Variants in SRCAP observed in about 807,000 individuals in gnomAD.
The protein encoded by SRCAP is chromatin remodeling protein SRCAP.
Under a neutral mutation model 263.1 loss-of-function variants are expected in SRCAP, and 46 were observed. That is an observed-to-expected ratio of 0.17 (90% CI 0.14 to 0.22). The LOEUF (loss-of-function observed/expected upper bound fraction) is 0.22, where lower values mean the gene tolerates loss of function less well. Among genes scored for constraint, SRCAP ranks in the 10% least tolerant of loss-of-function variants. The pLI is 1.00. For synonymous variants in SRCAP, 1,813 were observed against 1,662.1 expected (o/e 1.09, Z -2.21); for missense variants, 3,695 against 4,181.9 (o/e 0.88, Z 3.21).
chr16:30,713,498 A>G, intron 15 of SRCAP, 21 bp from the exon 16 acceptor site: 4 of 1,613,670 alleles, frequency 2.5e-6, no homozygotes, highest in Non-Finnish European at 3.4e-6. Flanking sequence ...ACTCTCTCTG[A>G]TTCTCTCTGT....
intron 8 of SRCAP, 104 bp from the exon 9 acceptor site, chr16:30,710,650 A>T: frequency 8.7e-7 from 1 of 1,153,652 alleles, no homozygotes; most frequent in Non-Finnish European, 1.3e-6. Flanking sequence ...GGCAACTGTC[A>T]CTCAATGGGA....
Position 30,729,175 on chromosome 16 carries a change from C to A in SRCAP, c.5868C>A (p.His1956Gln). ...TTTGGACTTATACCGAGGCTGCCCA[C>A]CGGGCTGTACTGTTTCCCCAGCAGC... ...PTFWTYTEAA[H>Q]RAVLFPQQRL... Residue 1956 changes from histidine to glutamine, a missense_variant, in exon 26 of 34, where the codon CAC (histidine) becomes CAA (glutamine). Transcript: ENST00000262518. 13 of 1,613,750 alleles carry A rather than the reference C, an allele frequency of 8.1e-6. No individual in the cohort carries two copies. Among genetic ancestry groups the A allele is most frequent in the Non-Finnish European group, 1.1e-5 (13 of 1,179,732 alleles).
Position 30,737,584 on chromosome 16 carries a change from C to T in SRCAP, c.7544C>T (p.Pro2515Leu), listed in dbSNP as rs746031226. Residue 2515 changes from proline (P) to leucine (L), a missense_variant, in exon 34 of 34, where the codon CCA (proline) becomes CTA (leucine). Around this residue, in one of 12 missense-constraint regions of SRCAP, gnomAD observed 1,207 missense variants for 1,142.9 expected, o/e 1.06. Coordinates refer to ENST00000262518, the MANE Select transcript of SRCAP (RefSeq NM_006662.3). The part of the protein sequence containing the change: ...CTPPPAHTPP[P>L]AQTCLVTPSS... ...CCTCCACCAGCTCATACACCGCCTC[C>T]AGCCCAAACCTGTCTTGTAACTCCT... The T allele has an allele frequency of 2.7e-5, 43 of 1,614,010 alleles. No individual in the cohort carries two copies. The Middle Eastern group carries it at 8.2e-4, about 31-fold the overall frequency.
At chr16:30,735,406 A>G (rs996561108) in intron 31 of SRCAP, among the ~76,000 whole-genome samples, 1 of 151,800 alleles carries the variant, frequency 6.6e-6, no homozygotes, top group South Asian at 2.1e-4. Context: ...TCGGCCTCCC[A>G]AAGTGCTGGG....
In SRCAP at chr16:30,737,525, T is replaced by C; in HGVS notation, c.7485T>C (p.Ser2495=). ...PPPPSQIPPC[S]SPACTPPPAC... ...CTCCTTCACAGATTCCTCCTTGTTC[T>C]TCTCCTGCCTGCACCCCTCCTCCTG... Residue 2495 remains serine (S), a synonymous_variant, in exon 34 of 34, where the codon TCT becomes TCC. Transcript: ENST00000262518. 6.2e-7 allele frequency: 1 copy of C among 1,606,902 alleles called. No individual in the cohort carries two copies. The highest frequency in any genetic ancestry group is 8.5e-7 in the Non-Finnish European group (1 of 1,173,574).
chr16:30,704,841 C>G (rs2052808969), intron 4 of SRCAP, among the ~76,000 whole-genome samples: 1 of 149,498 alleles, frequency 6.7e-6, no homozygotes, highest in Admixed American at 6.7e-5. Context: ...GATCCTGTCT[C>G]AAAAAAAAAG....
In SRCAP at chr16:30,709,731, T is replaced by C; in HGVS notation, c.852T>C (p.Asp284=). The change falls in exon 7 of 34, where the codon GAT becomes GAC. Residue 284 remains aspartate (D), a synonymous_variant. Transcript: ENST00000262518. ...CACCCCCTGCTTCTCGCCTGGATGA[T>C]GAAGGTGTGTGTTCTCTTTGGTCCT... is the stretch of plus-strand genomic sequence containing the variant. The part of the protein sequence containing the change: ...SPPPPASRLD[D]EDGDFQPQED... 1.2e-6 allele frequency: 2 copies of C among 1,614,142 alleles called. No homozygotes were observed. Among genetic ancestry groups the C allele is most frequent in the Non-Finnish European group, 1.7e-6 (2 of 1,180,020 alleles).
intron 5 of SRCAP, 45 bp downstream of exon 5, chr16:30,707,413 G>C (rs777215681): frequency 6.2e-7 from 1 of 1,607,010 alleles, no homozygotes; most frequent in Non-Finnish European, 8.5e-7. Context: ...TTTCAGGTCT[G>C]TTCCTTCCCG....
chr16:30,727,143 A>G (rs527491445), intron 25 of SRCAP, among the ~76,000 whole-genome samples: 3 of 151,876 alleles, frequency 2.0e-5, no homozygotes, highest in Non-Finnish European at 2.9e-5. Flanking sequence ...CTGGCACATC[A>G]TCACTTTGAT....
rs960180166 is a variant in SRCAP, at chr16:30,712,148, C to T, written c.1806C>T (p.Ala602=). 1 of 1,612,848 alleles carries T rather than the reference C, an allele frequency of 6.2e-7. No homozygotes were observed. The highest frequency in any genetic ancestry group is 8.5e-7 in the Non-Finnish European group (1 of 1,178,928). The change falls in exon 12 of 34, where the codon GCC becomes GCT. Residue 602 remains alanine, a synonymous_variant. Coordinates refer to ENST00000262518, the MANE Select transcript of SRCAP (RefSeq NM_006662.3). ...TCCAGCCCAAGGGTTACACGCTGGC[C>T]ACGACCCAGGTATCCCCAGGTTCTG... ...ESLQPKGYTL[A]TTQVKTPIPL... is the part of the protein sequence containing the mutation.
In SRCAP at chr16:30,720,784, G is replaced by A. The variant is rs546293218; in HGVS notation, c.3059G>A (p.Gly1020Asp). ...VVVNNPRAPLGPVPVRPPPGP... is the reference protein window; with the variant it reads ...VVVNNPRAPLDPVPVRPPPGP... ...GTGAACAACCCACGGGCGCCCCTGG[G>A]CCCTGTCCCAGTTCGACCTCCTCCA... is the stretch of plus-strand genomic sequence containing the variant. Residue 1020 changes from glycine to aspartate, a missense_variant, in exon 20 of 34, where the codon GGC becomes GAC. Physicochemically the swap from Gly to Asp is moderately conservative, Grantham distance 94. Transcript: ENST00000262518. 1.9e-6 allele frequency: 3 copies of A among 1,614,080 alleles called. No individual in the cohort carries two copies. The highest frequency in any genetic ancestry group is 1.7e-6 in the Non-Finnish European group (2 of 1,180,034).
In SRCAP at chr16:30,737,521, G is replaced by A. The variant is rs200066296; in HGVS notation, c.7481G>A (p.Cys2494Tyr). 1 of 1,604,784 alleles carries A rather than the reference G, an allele frequency of 6.2e-7. No homozygotes were observed. The change falls in exon 34 of 34, where the codon TGT (cysteine) becomes TAT (tyrosine). Residue 2494 changes from cysteine (C) to tyrosine (Y), a missense_variant. Physicochemically the swap from Cys to Tyr is radical, Grantham distance 194. This residue lies in a region of SRCAP where 1,207 missense variants were observed against 1,142.9 expected (regional missense o/e 1.06). Transcript: ENST00000262518. The part of the protein sequence containing the change: ...SPPPPSQIPP[C>Y]SSPACTPPPA... ...CCCCCTCCTTCACAGATTCCTCCTT[G>A]TTCTTCTCCTGCCTGCACCCCTCCT...
Position 30,733,793 on chromosome 16 carries a change from A to AT in SRCAP, c.6490dup (p.Tyr2164LeufsTer2). 6.2e-7 allele frequency: 1 copy of AT among 1,613,236 alleles called. No individual in the cohort carries two copies. Among genetic ancestry groups the AT allele is most frequent in the Admixed American group, 1.7e-5 (1 of 59,974 alleles). ...TTGGCCAGACCCGGGATGTCCACAT[A>AT]TATAGGTATTGCCTAGTCTTCCCTC... is the stretch of plus-strand genomic sequence containing the variant. On this transcript the variant is annotated frameshift_variant, in exon 29 of 34. Transcript: ENST00000262518. The surrounding 1 kb of genome is among the most constrained non-coding windows in gnomAD (Gnocchi z 5.3).
In SRCAP at chr16:30,737,618, T is replaced by C; in HGVS notation, c.7578T>C (p.Pro2526=). 6.2e-7 allele frequency: 1 copy of C among 1,613,948 alleles called. No homozygotes were observed. Residue 2526 remains proline, a synonymous_variant, in exon 34 of 34, where the codon CCT becomes CCC. Coordinates refer to ENST00000262518, the MANE Select transcript of SRCAP (RefSeq NM_006662.3). The stretch of plus-strand genomic sequence containing the variant: ...CCTGTCTTGTAACTCCTTCCTCTCC[T>C]CTCTTGCTTGGTCCACCTTCTGTGC... ...AQTCLVTPSS[P]LLLGPPSVPI...
Position 30,723,082 on chromosome 16 carries a change from C to T in SRCAP, c.4012C>T (p.Leu1338Phe), listed in dbSNP as rs549039594. The change falls in exon 24 of 34, where the codon CTT becomes TTT. Residue 1338 changes from leucine to phenylalanine, a missense_variant. Transcript: ENST00000262518. ...APAPRPPSSG[L>F]PAVLNPRPTL... ...AGCACCCCGGCCTCCGAGCTCTGGGCTTCCAGCTGTGTTGAATCCACGCCC... is the reference window on the plus strand; with the variant it reads ...AGCACCCCGGCCTCCGAGCTCTGGGTTTCCAGCTGTGTTGAATCCACGCCC... 1.9e-6 allele frequency: 3 copies of T among 1,614,012 alleles called. No homozygotes were observed. The African/African-American group carries it at 4.0e-5, about 22-fold the overall frequency.
intron 25 of SRCAP, 131 bp from the exon 26 acceptor site, chr16:30,728,835 A>G (rs2053086822): frequency 8.8e-7 from 1 of 1,131,494 alleles, no homozygotes; most frequent in South Asian, 1.9e-5. Context: ...TAACTTGGAA[A>G]ACTACAAAAA....
chr16:30,720,619 A>G, intron 19 of SRCAP, 94 bp from the exon 20 acceptor site: 1 of 1,383,858 alleles, frequency 7.2e-7, no homozygotes. Flanking sequence ...TGCTTTTATA[A>G]TCTGTCTCTC....
At chr16:30,721,023 G>A (rs1438971918) in intron 20 of SRCAP, 45 bp downstream of exon 20, 1 of 1,563,312 alleles carries the variant, frequency 6.4e-7, no homozygotes, top group Middle Eastern at 1.7e-4. Flanking sequence ...GCTTCAGAAA[G>A]GTTGTTCAGA....
At chr16:30,730,343 T>C (rs2053101847) in intron 27 of SRCAP, among the ~76,000 whole-genome samples, 1 of 3,550 alleles carries the variant, frequency 2.8e-4, no homozygotes, top group Non-Finnish European at 1.9e-3. Context: ...ACAGTCATTG[T>C]TTTCTTAATG....
Sources: gnomAD v4.1 joint callset for allele counts (sites outside exome capture counted in the v4.1 genomes callset) on GRCh38, gnomAD v4.1.1 for gene constraint, gnomAD v4.1.1 regional missense constraint, Gnocchi (gnomAD v3.1) non-coding constraint, MANE v1.5 for transcripts, NCBI Gene and HGNC (gene_info 2026-07-23, HGNC 2026-07-21) for gene names.